The following MRPL34 variants were observed in gnomAD, a reference collection of about 807,000 sequenced individuals.
MRPL34 encodes the protein large ribosomal subunit protein bL34m.
MRPL34 carries 8 observed loss-of-function variants against 6.7 expected under a neutral mutation model. The ratio of observed to expected loss-of-function variants is 1.20; its 90% CI spans 0.70 to 2.16. The LOEUF (loss-of-function observed/expected upper bound fraction) is 2.16. Among genes scored for constraint, MRPL34 ranks in the 30% most tolerant of loss-of-function variants. The pLI is 0.00. For synonymous variants in MRPL34, 59 were observed against 55.1 expected (o/e 1.07, Z -0.31); for missense variants, 146 against 125.5 (o/e 1.16, Z -0.78).
At chr19:17,305,728 G>A (rs955688341), upstream of MRPL34, 5 of 726,344 alleles carry the variant, frequency 6.9e-6, no homozygotes, top group Admixed American at 6.3e-5. Flanking sequence ...AGACTGGCGC[G>A]CCTCTGTTGC....
At chr19:17,299,108 A>G (rs911395180), upstream of MRPL34, among the ~76,000 whole-genome samples, 1 of 152,040 alleles carries the variant, frequency 6.6e-6, no homozygotes, top group Admixed American at 6.6e-5. Context: ...GTCTGATTAC[A>G]TATGCTAATG....
upstream of MRPL34, chr19:17,305,619 C>T: frequency 2.0e-6 from 1 of 501,926 alleles, no homozygotes; most frequent in South Asian, 2.1e-5. Flanking sequence ...CAGCTGACCG[C>T]GGGAGATAAT....
upstream of MRPL34, chr19:17,301,104 G>T: frequency 3.1e-6 from 5 of 1,613,294 alleles, no homozygotes; most frequent in Non-Finnish European, 2.5e-6. Flanking sequence ...CGGCCTGGGC[G>T]CCTTTGCAGC....
intron 1 of MRPL34, chr19:17,296,619 G>C (rs568978574): frequency 6.6e-6 from 1 of 152,052 alleles, no homozygotes; most frequent in Non-Finnish European, 1.5e-5. Context: ...AACTATGTAC[G>C]GCCTGTGGGC....
chr19:17,294,422 G>A, intron 1 of MRPL34: 1 of 1,614,110 alleles, frequency 6.2e-7, no homozygotes, highest in Non-Finnish European at 8.5e-7. Context: ...ATCATGGCCC[G>A]GAGTACGAAG....
chr19:17,306,003 G>C (rs1369186590), intron 1 of MRPL34, 46 bp downstream of exon 1: 3 of 1,604,878 alleles, frequency 1.9e-6, no homozygotes, highest in Middle Eastern at 1.7e-4. Flanking sequence ...AATAAGGGCG[G>C]CTTCGGAGGC....
Position 17,294,260 on chromosome 19 carries a change from C to G in MRPL34, c.214+1406C>G, listed in dbSNP as rs1433204342. 1.9e-6 allele frequency: 3 copies of G among 1,587,928 alleles called. No homozygotes were observed. In the East Asian group the frequency reaches 6.7e-5, roughly 36 times the overall value. ...CGGGCAGCACCCTGGGGATTTGTAG[C>G]TGTGGCGCCCCAGGTGCCCGCCTCT... On this transcript the variant is annotated intron_variant, in intron 1 of 2. Coordinates refer to the MRPL34 transcript ENST00000595444.
chr19:17,301,158 G>A, upstream of MRPL34: 2 of 1,611,138 alleles, frequency 1.2e-6, no homozygotes, highest in Non-Finnish European at 1.7e-6. Context: ...TCCTCTTGGG[G>A]CGCCTGGCTC....
chr19:17,300,029 C>T (rs921891059), upstream of MRPL34, among the ~76,000 whole-genome samples: 4 of 151,070 alleles, frequency 2.6e-5, no homozygotes, highest in Admixed American at 1.3e-4. Flanking sequence ...CTCAGCCTCC[C>T]GAGTAGCTGG....
upstream of MRPL34, chr19:17,292,596 G>T: frequency 6.7e-7 from 1 of 1,498,490 alleles, no homozygotes; most frequent in Non-Finnish European, 8.9e-7. Context: ...TGCAGACCTG[G>T]CGCAGGCTCG....
intron 1 of MRPL34, chr19:17,294,244 C>A: frequency 1.9e-6 from 3 of 1,580,654 alleles, no homozygotes; most frequent in Non-Finnish European, 2.6e-6. Context: ...CCGGGCAGCA[C>A]CCTGGGGATT....
intron 1 of MRPL34, among the ~76,000 whole-genome samples, chr19:17,297,119 A>G (rs1050545801): frequency 9.9e-5 from 15 of 152,230 alleles, no homozygotes; most frequent in Non-Finnish European, 1.8e-4. Context: ...GTAATGAGGA[A>G]AGGATACAGA....
chr19:17,305,241 CTT>C (rs34823570), upstream of MRPL34, among the ~76,000 whole-genome samples: 40,079 of 121,240 alleles, frequency 0.33, 6,679 homozygotes, highest in African/African-American at 0.51. Flanking sequence ...ATTTTTCTTC[CTT>C]TTTTTTTTTT....
rs201529220 is a variant in MRPL34 at position 17,306,321 on chromosome 19, C to T, written c.221C>T (p.Ala74Val). Residue 74 changes from alanine (A) to valine (V), a missense_variant, in exon 2 of 2, where the codon GCC becomes GTC. By Grantham distance (64) the Ala-to-Val change is moderately conservative. Transcript: ENST00000252602. Reference sequence around the variant, plus strand: ...TGGGTCCGGCGCCTGAGCACGCCGGCCGGCGTGCAGGTCATCCTTCGCCGA... The same window carrying T: ...TGGGTCCGGCGCCTGAGCACGCCGGTCGGCGTGCAGGTCATCCTTCGCCGA... ...HGWVRRLSTP[A>V]GVQVILRRML... 5,571 of 1,610,102 alleles carry T rather than the reference C, an allele frequency of 3.5e-3. 14 individuals carry two copies. The highest frequency in any genetic ancestry group is 4.3e-3 in the Middle Eastern group (24 of 5,532).
upstream of MRPL34, among the ~76,000 whole-genome samples, chr19:17,298,977 A>G (rs1211010972): frequency 6.6e-6 from 1 of 152,154 alleles, no homozygotes; most frequent in Non-Finnish European, 1.5e-5. Context: ...CCTGACCTCA[A>G]GTGATCTGCC....
chr19:17,298,264 T>C (rs1331044390), upstream of MRPL34: 2 of 152,102 alleles, frequency 1.3e-5, no homozygotes, highest in South Asian at 2.1e-4. Context: ...AAAACAGTGG[T>C]GCTCAACTTG....
At chr19:17,305,788 G>A, upstream of MRPL34, 1 of 1,167,330 alleles carries the variant, frequency 8.6e-7, no homozygotes, top group Middle Eastern at 1.9e-4. Flanking sequence ...CCTCTTTTTT[G>A]CACGTTAGGA....
At chr19:17,294,719 G>A (rs762698564) in intron 1 of MRPL34, 4 of 1,614,048 alleles carry the variant, frequency 2.5e-6, no homozygotes, top group Non-Finnish European at 3.4e-6. Flanking sequence ...AGTGCAGGAC[G>A]CAGGTGGGCA....
chr19:17,302,796 T>A (rs117410295), upstream of MRPL34: 2,670 of 152,200 alleles, frequency 0.018, 29 homozygotes, highest in Non-Finnish European at 0.026. Flanking sequence ...CCCGCCCCCG[T>A]GTCCATGGCA....
Sources: allele counts gnomAD v4.1 joint callset (sites outside exome capture counted in the v4.1 genomes callset), GRCh38; gene constraint gnomAD v4.1.1; transcripts MANE v1.5; gene names NCBI Gene and HGNC (gene_info 2026-07-23, HGNC 2026-07-21).